Variants in GALNT7 observed in about 807,000 individuals in gnomAD.
GALNT7 encodes the protein polypeptide N-acetylgalactosaminyltransferase 7, also known as N-acetylgalactosaminyltransferase 7.
A neutral mutation model predicts 82.1 loss-of-function variants in GALNT7; 60 were observed. The observed-to-expected ratio is 0.73, with a 90% CI of 0.59 to 0.91. GALNT7 has a LOEUF of 0.91. Among genes scored for constraint, GALNT7 ranks in the 40% least tolerant of loss-of-function variants. The pLI is 0.00. For missense variants in GALNT7, 660 were observed against 804.2 expected, an observed-to-expected ratio of 0.82 and a Z score of 2.17; for synonymous variants, 243 against 275.1, an observed-to-expected ratio of 0.88 and a Z score of 1.15.
At chr4:173,257,836 C>A (rs1026994281) in intron 2 of GALNT7, among the ~76,000 whole-genome samples, 1 of 152,184 alleles carries the variant, frequency 6.6e-6, no homozygotes, top group East Asian at 1.9e-4. Context: ...AATCTAAACT[C>A]CACATTCTTA....
chr4:173,193,938 A>G lies in GALNT7; in HGVS notation c.126+24977A>G, dbSNP rs998991887. Among the ~76,000 whole-genome samples, 9 of 152,334 alleles carry G rather than the reference A, an allele frequency of 5.9e-5. No homozygotes were observed. In the East Asian group the frequency reaches 1.2e-3, roughly 20 times the overall value. ...GGCTAAATATATTCGGTTGTTGACAATACTAATTATTGCTTTACTTATGAT... is the reference window on the plus strand; with the variant it reads ...GGCTAAATATATTCGGTTGTTGACAGTACTAATTATTGCTTTACTTATGAT... On this transcript the variant is annotated intron_variant, in intron 1 of 11. Coordinates refer to ENST00000265000, the MANE Select transcript of GALNT7 (RefSeq NM_017423.3).
At chr4:173,319,707 A>G (rs1737733994) in intron 11 of GALNT7, among the ~76,000 whole-genome samples, 1 of 152,190 alleles carries the variant, frequency 6.6e-6, no homozygotes, top group Non-Finnish European at 1.5e-5. Context: ...TGTGTGTTAG[A>G]TATTACTGAA....
chr4:173,198,370 G>T (rs72711040), intron 1 of GALNT7, among the ~76,000 whole-genome samples: 4,155 of 152,124 alleles, frequency 0.027, 77 homozygotes, highest in Non-Finnish European at 0.038. Flanking sequence ...GCCCGGCCTG[G>T]ATTGTTTCTT....
At chr4:173,273,011 G>T (rs1052347424) in intron 2 of GALNT7, among the ~76,000 whole-genome samples, 4 of 152,098 alleles carry the variant, frequency 2.6e-5, no homozygotes, top group Non-Finnish European at 5.9e-5. Context: ...AACCAATCCT[G>T]TAATATCTAA....
chr4:173,180,817 G>T (rs1366156018), intron 1 of GALNT7, among the ~76,000 whole-genome samples: 3 of 152,128 alleles, frequency 2.0e-5, no homozygotes, highest in Non-Finnish European at 4.4e-5. Context: ...TCAGTATTTT[G>T]CCATGCAATT....
intron 1 of GALNT7, among the ~76,000 whole-genome samples, chr4:173,179,144 T>A (rs920174355): frequency 6.6e-6 from 1 of 152,252 alleles, no homozygotes; most frequent in African/African-American, 2.4e-5. Flanking sequence ...CTATGCTTCC[T>A]ATGAAAACTG....
At chr4:173,177,698 A>G (rs1732093860) in intron 1 of GALNT7, among the ~76,000 whole-genome samples, 1 of 152,214 alleles carries the variant, frequency 6.6e-6, no homozygotes, top group African/African-American at 2.4e-5. Context: ...ACTGATTAGA[A>G]TGAAAGCTGA....
chr4:173,263,449 A>G (rs1735357392), intron 2 of GALNT7, among the ~76,000 whole-genome samples: 1 of 152,224 alleles, frequency 6.6e-6, no homozygotes, highest in East Asian at 1.9e-4. Context: ...TACAGAAGAA[A>G]AACTTGATTT....
intron 2 of GALNT7, among the ~76,000 whole-genome samples, chr4:173,251,695 T>C (rs1406306393): frequency 6.6e-6 from 1 of 152,220 alleles, no homozygotes; most frequent in Non-Finnish European, 1.5e-5. Context: ...TAGCCAGTTC[T>C]GTCCCGTGTT....
intron 8 of GALNT7, among the ~76,000 whole-genome samples, chr4:173,308,405 T>C (rs1372691743): frequency 6.6e-6 from 1 of 152,128 alleles, no homozygotes; most frequent in Non-Finnish European, 1.5e-5. Context: ...TAGCTTCTGT[T>C]ATTCACACAT....
At chr4:173,250,788 C>T (rs1365978889) in intron 2 of GALNT7, among the ~76,000 whole-genome samples, 1 of 152,186 alleles carries the variant, frequency 6.6e-6, no homozygotes, top group African/African-American at 2.4e-5. Context: ...CTTCTTGCTA[C>T]TATACTTCTT....
At chr4:173,257,467 G>A (rs1357162206) in intron 2 of GALNT7, among the ~76,000 whole-genome samples, 1 of 152,108 alleles carries the variant, frequency 6.6e-6, no homozygotes, top group Non-Finnish European at 1.5e-5. Context: ...CATCATTTTT[G>A]CAAGATACAA....
chr4:173,323,782 A>G lies in GALNT7; in HGVS notation c.*2065A>G, dbSNP rs928196647. ...TATCCTTGCTTTGTAAGTTGGTAAT[A>G]TCACTATGCATTTCTACACATTTTA... On this transcript the variant is annotated 3_prime_UTR_variant, in exon 12 of 12. Transcript: ENST00000265000. 2.6e-5 allele frequency: 4 copies of G among 152,600 alleles called. No individual in the cohort carries two copies. Among genetic ancestry groups the G allele is most frequent in the African/African-American group, 9.6e-5 (4 of 41,464 alleles). 9.5% of individuals were successfully genotyped at this position (152,600 alleles called of 1,614,324 possible).
intron 1 of GALNT7, among the ~76,000 whole-genome samples, chr4:173,210,556 C>T (rs1733246172): frequency 1.3e-5 from 2 of 152,064 alleles, no homozygotes; most frequent in South Asian, 2.1e-4. Flanking sequence ...CGAGTCCTAG[C>T]GATCCACCTG....
rs546863088 is a variant in GALNT7 at position 173,194,405 on chromosome 4, T to C, written c.126+25444T>C. On this transcript the variant is annotated intron_variant, in intron 1 of 11. Coordinates refer to ENST00000265000, the MANE Select transcript of GALNT7 (RefSeq NM_017423.3). ...GCACCATATTGCATTTAAAAAAATG[T>C]TTGGAAAGCTGTTGGAAACTTTTTG... Among the ~76,000 whole-genome samples, 84 of 152,320 alleles carry C rather than the reference T, an allele frequency of 5.5e-4. 1 individual carries two copies. The highest frequency in any genetic ancestry group is 1.6e-3 in the African/African-American group (66 of 41,544).
intron 9 of GALNT7, among the ~76,000 whole-genome samples, chr4:173,314,398 A>G (rs1205149563): frequency 6.6e-6 from 1 of 152,176 alleles, no homozygotes; most frequent in Non-Finnish European, 1.5e-5. Flanking sequence ...CTAGCCTGCA[A>G]GACATCCACT....
intron 1 of GALNT7, among the ~76,000 whole-genome samples, chr4:173,180,636 G>C (rs1732218516): frequency 6.6e-6 from 1 of 152,122 alleles, no homozygotes; most frequent in African/African-American, 2.4e-5. Flanking sequence ...CCAGTTCTTT[G>C]TTAATGAAAG....
chr4:173,221,007 G>T (rs1454893462), intron 1 of GALNT7, among the ~76,000 whole-genome samples: 1 of 151,296 alleles, frequency 6.6e-6, no homozygotes, highest in Admixed American at 6.6e-5. Context: ...AGTCCTTTGG[G>T]TATATACCCA....
intron 2 of GALNT7, among the ~76,000 whole-genome samples, chr4:173,278,672 G>T (rs948095498): frequency 6.6e-6 from 1 of 152,194 alleles, no homozygotes; most frequent in Non-Finnish European, 1.5e-5. Context: ...TTAGGGAATT[G>T]TGAGATAGCA....
Sources: allele counts gnomAD v4.1 joint callset (sites outside exome capture counted in the v4.1 genomes callset), GRCh38; gene constraint gnomAD v4.1.1; transcripts MANE v1.5; gene names NCBI Gene and HGNC (gene_info 2026-07-23, HGNC 2026-07-21).